The following STK33 variants were observed in gnomAD, a reference collection of about 807,000 sequenced individuals.
STK33 encodes the protein serine/threonine kinase 33, also known as serine/threonine-protein kinase 33.
STK33 carries 52 observed loss-of-function variants against 58.0 expected under a neutral mutation model. The observed-to-expected ratio is 0.90, with a 90% CI of 0.72 to 1.13. The LOEUF (loss-of-function observed/expected upper bound fraction) is 1.13. Ranked by LOEUF, STK33 falls within the 50% of genes most tolerant of loss-of-function variation. The pLI is 0.00. For synonymous variants in STK33, 215 were observed against 200.1 expected (o/e 1.07, Z -0.63); for missense variants, 630 against 604.2 (o/e 1.04, Z -0.45).
At chr11:8,587,149 C>G (rs531703168) in intron 1 of STK33, among the ~76,000 whole-genome samples, 2 of 152,176 alleles carry the variant, frequency 1.3e-5, no homozygotes, top group Admixed American at 1.3e-4. Flanking sequence ...ACAGATTCAG[C>G]AAAGTATTAT....
the STK33 span, among the ~76,000 whole-genome samples, chr11:8,369,129 T>C: frequency 6.6e-6 from 1 of 152,324 alleles, no homozygotes; most frequent in African/African-American, 2.4e-5. Flanking sequence ...AGTGTATTTA[T>C]AATATGACAT....
chr11:8,452,450 A>C (rs1474670031), intron 11 of STK33, among the ~76,000 whole-genome samples: 1 of 152,144 alleles, frequency 6.6e-6, no homozygotes, highest in East Asian at 1.9e-4. Context: ...AAAATTGTTC[A>C]AGCTGTAATC....
At chr11:8,440,643 C>G (rs374144691) in intron 12 of STK33, 35 bp downstream of exon 12, 86 of 1,513,222 alleles carry the variant, frequency 5.7e-5, no homozygotes, top group East Asian at 2.4e-4. Flanking sequence ...AAACTATCCA[C>G]TCATCTTAAA....
intron 15 of STK33, among the ~76,000 whole-genome samples, chr11:8,393,266 T>C (rs76667043): frequency 0.048 from 7,241 of 152,252 alleles, 254 homozygotes; most frequent in Non-Finnish European, 0.064. Flanking sequence ...CAAATAATAT[T>C]TGCACATTTG....
chr11:8,513,116 C>A (rs1952475672), intron 1 of STK33, among the ~76,000 whole-genome samples: 2 of 152,282 alleles, frequency 1.3e-5, no homozygotes, highest in Non-Finnish European at 2.9e-5. Flanking sequence ...TATACCATCA[C>A]TTTTTTGCCA....
intron 14 of STK33, among the ~76,000 whole-genome samples, chr11:8,428,947 T>TA (rs145920353): frequency 0.062 from 9,342 of 151,466 alleles, 458 homozygotes; most frequent in East Asian, 0.27. Flanking sequence ...TCCCAGGAAA[T>TA]AAAAAAAAAT....
Position 8,536,972 on chromosome 11 carries a change from A to ATTTTTTTTT in STK33, c.-465-56367_-465-56359dup, listed in dbSNP as rs1232336873. On this transcript the variant is annotated intron_variant, in intron 1 of 15. Transcript: ENST00000687296. ...AATTAAAAAAAAAAAAAAAAAAAAGATTTTTTTTTTTTTTTTTTTTTTTTT... is the reference window on the plus strand; with the variant it reads ...AATTAAAAAAAAAAAAAAAAAAAAGATTTTTTTTTTTTTTTTTTTTTTTTTTTTTTTTTT... Among the ~76,000 whole-genome samples the ATTTTTTTTT allele has an allele frequency of 3.2e-4, 21 of 65,736 alleles. 1 individual carries two copies. The highest frequency in any genetic ancestry group is 9.5e-4 in the African/African-American group (14 of 14,722). 43.1% of individuals were successfully genotyped at this position (65,736 alleles called of 152,430 possible). A position where few individuals can be genotyped will look rare whatever the true frequency, so the allele number is the denominator to read the frequency against.
chr11:8,394,834 G>C (rs1329098607), intron 15 of STK33, among the ~76,000 whole-genome samples: 1 of 152,088 alleles, frequency 6.6e-6, no homozygotes, highest in African/African-American at 2.4e-5. Flanking sequence ...TTTGTAGTAA[G>C]ATAAGAAAAT....
At chr11:8,520,330 G>A (rs1591599213) in intron 1 of STK33, among the ~76,000 whole-genome samples, 1 of 152,268 alleles carries the variant, frequency 6.6e-6, no homozygotes, top group East Asian at 1.9e-4. Flanking sequence ...ACTAGGTATT[G>A]ATGGGACATA....
chr11:8,378,162 A>T, the STK33 span, among the ~76,000 whole-genome samples: 1 of 152,234 alleles, frequency 6.6e-6, no homozygotes, highest in Non-Finnish European at 1.5e-5. Context: ...TGATGGAAGG[A>T]GAAGCAAATG....
At chr11:8,382,627 A>G in the STK33 span, among the ~76,000 whole-genome samples, 2 of 152,102 alleles carry the variant, frequency 1.3e-5, no homozygotes, top group Admixed American at 6.5e-5. Context: ...CACAGACCAC[A>G]CCTGCGCTCA....
At chr11:8,544,881 A>G (rs189149745) in intron 1 of STK33, among the ~76,000 whole-genome samples, 1 of 152,322 alleles carries the variant, frequency 6.6e-6, no homozygotes, top group East Asian at 1.9e-4. Context: ...ATGAGAAATA[A>G]ATCACTCCCT....
chr11:8,534,558 C>CTGTGTGTG (rs1418268168), intron 1 of STK33, among the ~76,000 whole-genome samples: 1 of 130,454 alleles, frequency 7.7e-6, no homozygotes, highest in African/African-American at 3.2e-5. Flanking sequence ...CTCTCTCTCT[C>CTGTGTGTG]TCTCTCTCTC....
At chr11:8,562,084 C>CTTTCTTTAAGTG (rs1308244371) in intron 1 of STK33, among the ~76,000 whole-genome samples, 1 of 152,144 alleles carries the variant, frequency 6.6e-6, no homozygotes, top group African/African-American at 2.4e-5. Context: ...TGTTCCCCTT[C>CTTTCTTTAAGTG]AATTTCTTTA....
chr11:8,511,648 T>C (rs1256501856), intron 1 of STK33, among the ~76,000 whole-genome samples: 2 of 152,188 alleles, frequency 1.3e-5, no homozygotes, highest in Non-Finnish European at 2.9e-5. Flanking sequence ...TTGAGGTATG[T>C]CCCTTCTATG....
intron 7 of STK33, among the ~76,000 whole-genome samples, chr11:8,462,307 C>G (rs1422962212): frequency 2.0e-5 from 3 of 151,546 alleles, no homozygotes; most frequent in Non-Finnish European, 4.4e-5. Context: ...AAAACAAAAT[C>G]TACTTCCAAG....
chr11:8,389,791 C>T (rs550674961), downstream of STK33, among the ~76,000 whole-genome samples: 2 of 152,146 alleles, frequency 1.3e-5, no homozygotes, highest in Non-Finnish European at 2.9e-5. Flanking sequence ...CCCACCCAAC[C>T]CCCGCAGCAC....
intron 1 of STK33, among the ~76,000 whole-genome samples, chr11:8,540,274 A>C (rs1955401894): frequency 1.3e-5 from 2 of 151,888 alleles, no homozygotes; most frequent in Admixed American, 1.3e-4. Context: ...TGAGGCTAGA[A>C]GTTTGAGACC....
At chr11:8,404,250 T>A (rs533615628) in intron 15 of STK33, among the ~76,000 whole-genome samples, 2 of 152,318 alleles carry the variant, frequency 1.3e-5, no homozygotes, top group East Asian at 3.9e-4. Context: ...AACTTGCAAA[T>A]TAGAGAAAAA....
Sources: allele counts gnomAD v4.1 joint callset (sites outside exome capture counted in the v4.1 genomes callset), GRCh38; gene constraint gnomAD v4.1.1; transcripts MANE v1.5; gene names NCBI Gene and HGNC (gene_info 2026-07-23, HGNC 2026-07-21).